Variants in CAMK2A observed in about 807,000 individuals in gnomAD.
The protein encoded by CAMK2A is calcium/calmodulin-dependent protein kinase type II subunit alpha.
Under a neutral mutation model 79.2 loss-of-function variants are expected in CAMK2A, and 7 were observed. That is an observed-to-expected ratio of 0.09 (90% CI 0.05 to 0.17). The LOEUF (loss-of-function observed/expected upper bound fraction) is 0.17. Among genes scored for constraint, CAMK2A ranks in the 10% least tolerant of loss-of-function variants. The probability of loss-of-function intolerance (pLI) is 1.00; values close to 1 mark genes in which losing one functional copy is unlikely to be tolerated. For synonymous variants in CAMK2A, 242 were observed against 251.7 expected (o/e 0.96, Z 0.36); for missense variants, 214 against 646.4 (o/e 0.33, Z 7.25).
intron 9 of CAMK2A, 61 bp from the exon 10 acceptor site, chr5:150,250,871 C>T (rs1052791590): frequency 5.0e-6 from 8 of 1,585,404 alleles, no homozygotes; most frequent in African/African-American, 4.0e-5. Flanking sequence ...TGCGATCCCC[C>T]AGCCCCTGAC....
At chr5:150,261,481 T>C (rs1449336749) in intron 3 of CAMK2A, among the ~76,000 whole-genome samples, 1 of 152,236 alleles carries the variant, frequency 6.6e-6, no homozygotes, top group Non-Finnish European at 1.5e-5. Context: ...CATTGAGTCA[T>C]TCTGTCACTT....
chr5:150,283,066 C>A (rs977142514), intron 1 of CAMK2A, among the ~76,000 whole-genome samples: 1 of 152,246 alleles, frequency 6.6e-6, no homozygotes, highest in African/African-American at 2.4e-5. Context: ...CAAGGGATCT[C>A]TTCTGTCTGC....
intron 2 of CAMK2A, among the ~76,000 whole-genome samples, chr5:150,268,685 A>G (rs947946602): frequency 6.6e-6 from 1 of 152,230 alleles, no homozygotes; most frequent in African/African-American, 2.4e-5. Flanking sequence ...AGCTTGTCCA[A>G]GATCCCATAG....
Position 150,221,299 on chromosome 5 carries a change from A to C in CAMK2A, c.*1411T>G. The C allele has an allele frequency of 2.5e-6, 1 of 397,722 alleles. No homozygotes were observed. 24.6% of individuals were successfully genotyped at this position (397,722 alleles called of 1,614,324 possible). Reference sequence around the variant, plus strand: ...GTCAATCCCAGGGAAAGAGGGAAAGAGGAAAAGAAAGAGAGAATGCGAACC... The same window carrying C: ...GTCAATCCCAGGGAAAGAGGGAAAGCGGAAAAGAAAGAGAGAATGCGAACC... On this transcript the variant is annotated 3_prime_UTR_variant, in exon 19 of 19. Coordinates refer to ENST00000671881, the MANE Select transcript of CAMK2A (RefSeq NM_015981.4).
At chr5:150,282,216 C>A (rs1439271548) in intron 1 of CAMK2A, among the ~76,000 whole-genome samples, 2 of 152,140 alleles carry the variant, frequency 1.3e-5, no homozygotes, top group Non-Finnish European at 2.9e-5. Flanking sequence ...ACACTGCCCC[C>A]CGCCCCCAAA....
intron 13 of CAMK2A, among the ~76,000 whole-genome samples, chr5:150,240,662 C>A (rs937861271): frequency 2.0e-5 from 3 of 152,206 alleles, no homozygotes; most frequent in Admixed American, 2.0e-4. Flanking sequence ...TGAAGACAGA[C>A]CCTTGCATTG....
chr5:150,246,677 C>T lies in CAMK2A; in HGVS notation c.943+1095G>A, dbSNP rs192369160. On this transcript the variant is annotated intron_variant, in intron 12 of 18. Transcript: ENST00000671881. ...TCTGGGTAGCTCATCTTTCAGTTTA[C>T]GGAATGGCAGGATCCTTGTCCAGGG... Among the ~76,000 whole-genome samples, 7 of 152,294 alleles carry T rather than the reference C, an allele frequency of 4.6e-5. No homozygotes were observed. The East Asian group carries it at 1.4e-3, about 29-fold the overall frequency.
At chr5:150,245,338 G>GCCTCCGCCT (rs1755520014) in intron 12 of CAMK2A, 137 bp from the exon 13 acceptor site, 6 of 658,456 alleles carry the variant, frequency 9.1e-6, no homozygotes, top group Non-Finnish European at 1.3e-5. Flanking sequence ...CCTGGGGGAG[G>GCCTCCGCCT]CCTCCTCCTC....
intron 1 of CAMK2A, among the ~76,000 whole-genome samples, chr5:150,277,901 A>G (rs1757018622): frequency 6.6e-6 from 1 of 152,226 alleles, no homozygotes; most frequent in Admixed American, 6.5e-5. Context: ...TGAGGCCTCA[A>G]GTGAGCAGGC....
chr5:150,235,914 G>A (rs755221820), intron 15 of CAMK2A, among the ~76,000 whole-genome samples: 13 of 152,158 alleles, frequency 8.5e-5, no homozygotes, highest in Non-Finnish European at 1.5e-4. Context: ...TGCCAAACAC[G>A]GGGAGAAGCT....
rs1756745787 is a variant in CAMK2A at position 150,271,447 on chromosome 5, C to CGGGAGGCCTGCG, written c.157+1606_157+1617dup. On this transcript the variant is annotated intron_variant, in intron 2 of 18. Transcript: ENST00000671881. Reference sequence around the variant, plus strand: ...ACACACAGTCCAACATGAGGCCTGCCGGGAGGCCTGCGGGGAGCAGCATGA... The same window carrying CGGGAGGCCTGCG: ...ACACACAGTCCAACATGAGGCCTGCCGGGAGGCCTGCGGGGAGGCCTGCGGGGAGCAGCATGA... 3.3e-5 allele frequency among the ~76,000 whole-genome samples: 5 copies of CGGGAGGCCTGCG among 152,308 alleles called. No individual in the cohort carries two copies. The South Asian group carries it at 8.3e-4, about 25-fold the overall frequency.
intron 7 of CAMK2A, among the ~76,000 whole-genome samples, chr5:150,252,641 G>C (rs911952111): frequency 6.6e-6 from 1 of 152,114 alleles, no homozygotes; most frequent in African/African-American, 2.4e-5. Context: ...TTGTTGAGCC[G>C]GTCAGTTCAA....
intron 6 of CAMK2A, among the ~76,000 whole-genome samples, chr5:150,254,660 C>G (rs1755977416): frequency 6.6e-6 from 1 of 152,266 alleles, no homozygotes; most frequent in Middle Eastern, 3.4e-3. Context: ...GATGGAGGGG[C>G]GCTAAGACTG....
At position 150,250,913 on chromosome 5, in the gene CAMK2A, C is replaced by G; in HGVS notation, c.694-103G>C. On this transcript the variant is annotated intron_variant, in intron 9 of 18. Transcript: ENST00000671881. ...GGGAGCAGGCAGGGGTCCTACTGCC[C>G]ATCCACTCGGACATCCACACCAGGA... The G allele has an allele frequency of 3.0e-6, 4 of 1,329,624 alleles. No individual in the cohort carries two copies. In the South Asian group the frequency reaches 4.0e-5, roughly 13 times the overall value. 82.4% of individuals were successfully genotyped at this position (1,329,624 alleles called of 1,614,324 possible).
intron 1 of CAMK2A, among the ~76,000 whole-genome samples, chr5:150,285,669 C>A (rs980264143): frequency 6.6e-6 from 1 of 152,172 alleles, no homozygotes; most frequent in Non-Finnish European, 1.5e-5. Flanking sequence ...GCAGCCTTGG[C>A]AACCCCTTCT....
intron 10 of CAMK2A, 143 bp from the exon 11 acceptor site, chr5:150,250,452 AG>A: frequency 1.2e-6 from 1 of 823,434 alleles, no homozygotes; most frequent in Non-Finnish European, 2.0e-6. Flanking sequence ...GAGATGCTTC[AG>A]GGTGTTTAGC....
At chr5:150,286,103 C>T (rs913738143) in intron 1 of CAMK2A, among the ~76,000 whole-genome samples, 5 of 152,308 alleles carry the variant, frequency 3.3e-5, no homozygotes, top group African/African-American at 4.8e-5. Context: ...TGGTGCAGCA[C>T]GCCTCCTGCA....
chr5:150,225,384 G>T (rs1293831028), intron 17 of CAMK2A, among the ~76,000 whole-genome samples: 1 of 152,214 alleles, frequency 6.6e-6, no homozygotes, highest in Non-Finnish European at 1.5e-5. Flanking sequence ...GGTGGAACTT[G>T]GCCGGGAATG....
intron 15 of CAMK2A, among the ~76,000 whole-genome samples, chr5:150,238,078 C>T (rs899000966): frequency 4.6e-5 from 7 of 152,204 alleles, no homozygotes; most frequent in Non-Finnish European, 1.0e-4. Flanking sequence ...TCAAAAGGAA[C>T]ATGTATACCA....
Sources: allele counts gnomAD v4.1 joint callset (sites outside exome capture counted in the v4.1 genomes callset), GRCh38; gene constraint gnomAD v4.1.1; transcripts MANE v1.5; gene names NCBI Gene and HGNC (gene_info 2026-07-23, HGNC 2026-07-21).